Variants in TSPAN18 observed in about 807,000 individuals in gnomAD.
TSPAN18 encodes tetraspanin-18.
TSPAN18 carries 14 observed loss-of-function variants against 27.3 expected under a neutral mutation model. That is an observed-to-expected ratio of 0.51 (90% CI 0.34 to 0.80). TSPAN18 has a LOEUF of 0.80. Ranked by LOEUF, TSPAN18 falls within the 30% of genes least tolerant of loss-of-function variation. The pLI is 0.01. For missense variants in TSPAN18, 268 were observed against 323.9 expected (o/e 0.83, Z 1.32); for synonymous variants, 143 against 136.5 (o/e 1.05, Z -0.33).
At chr11:44,864,301 A>C (rs1207637426) in intron 3 of TSPAN18, among the ~76,000 whole-genome samples, 3 of 151,438 alleles carry the variant, frequency 2.0e-5, no homozygotes. Context: ...AAAAAAAAAA[A>C]AAAAACTTGG....
At chr11:44,880,045 G>A (rs1387461822) in intron 3 of TSPAN18, among the ~76,000 whole-genome samples, 3 of 152,222 alleles carry the variant, frequency 2.0e-5, no homozygotes, top group Non-Finnish European at 4.4e-5. Flanking sequence ...GAGGCTGGAC[G>A]GTGGAGGAAG....
At chr11:44,831,402 G>A (rs1857151082) in intron 2 of TSPAN18, among the ~76,000 whole-genome samples, 1 of 152,184 alleles carries the variant, frequency 6.6e-6, no homozygotes, top group Non-Finnish European at 1.5e-5. Context: ...CAGTGCACTA[G>A]AGCTGACAAG....
intron 2 of TSPAN18, among the ~76,000 whole-genome samples, chr11:44,852,923 T>C (rs1054675704): frequency 6.6e-6 from 1 of 152,192 alleles, no homozygotes; most frequent in Admixed American, 6.5e-5. Context: ...CCATTCCAAC[T>C]TGGAAGGCAC....
chr11:44,906,456 T>A lies in TSPAN18; in HGVS notation c.40T>A (p.Phe14Ile). The change falls in exon 4 of 10, where the codon TTT (phenylalanine) becomes ATT (isoleucine). Residue 14 changes from phenylalanine to isoleucine, a missense_variant. Transcript: ENST00000520358. ...DCLSCMKYLMFVFNFFIFLGG... is the reference protein window; with the variant it reads ...DCLSCMKYLMIVFNFFIFLGG... Reference sequence around the variant, plus strand: ...TCTGAGCTGCATGAAGTATCTGATGTTTGTATTCAATTTCTTCATATTTGT... The same window carrying A: ...TCTGAGCTGCATGAAGTATCTGATGATTGTATTCAATTTCTTCATATTTGT... 1 of 1,614,172 alleles carries A rather than the reference T, an allele frequency of 6.2e-7. No homozygotes were observed. The highest frequency in any genetic ancestry group is 2.2e-5 in the East Asian group (1 of 44,878).
intron 2 of TSPAN18, among the ~76,000 whole-genome samples, chr11:44,825,620 C>A (rs1203266232): frequency 6.6e-6 from 1 of 152,154 alleles, no homozygotes; most frequent in Non-Finnish European, 1.5e-5. Context: ...CAGACTCGAG[C>A]TGGAAACAGG....
chr11:44,837,884 G>A (rs184681110), intron 2 of TSPAN18, among the ~76,000 whole-genome samples: 1 of 152,304 alleles, frequency 6.6e-6, no homozygotes. Context: ...ACAGTATGGT[G>A]TACACATAAC....
At chr11:44,875,386 G>A (rs897081052) in intron 3 of TSPAN18, among the ~76,000 whole-genome samples, 1 of 152,242 alleles carries the variant, frequency 6.6e-6, no homozygotes. Context: ...AATACTCTCT[G>A]GCTGGGAGCA....
At chr11:44,887,127 A>T (rs1425427545) in intron 3 of TSPAN18, among the ~76,000 whole-genome samples, 1 of 152,234 alleles carries the variant, frequency 6.6e-6, no homozygotes, top group Non-Finnish European at 1.5e-5. Context: ...AATTTCGGCT[A>T]ATAAGAGCTA....
At chr11:44,926,298 T>C (rs1454297892) in intron 8 of TSPAN18, 1 of 195,982 alleles carries the variant, frequency 5.1e-6, no homozygotes, top group East Asian at 1.5e-4. Flanking sequence ...AGGCAGCAGC[T>C]GCTGATGTGA....
intron 1 of TSPAN18, among the ~76,000 whole-genome samples, chr11:44,728,477 G>A (rs1315839807): frequency 3.0e-4 from 45 of 152,100 alleles, no homozygotes; most frequent in Admixed American, 2.9e-3. Flanking sequence ...AGGCAGGATG[G>A]GGGTCTTGGG....
intron 5 of TSPAN18, among the ~76,000 whole-genome samples, chr11:44,917,113 C>T (rs1051570960): frequency 2.0e-5 from 3 of 152,202 alleles, no homozygotes; most frequent in African/African-American, 7.2e-5. Flanking sequence ...AGTGACAGCC[C>T]CTGTGCTAAG....
chr11:44,766,724 C>A (rs1855575939), intron 2 of TSPAN18, among the ~76,000 whole-genome samples: 1 of 152,166 alleles, frequency 6.6e-6, no homozygotes, highest in African/African-American at 2.4e-5. Context: ...TATAGCATCA[C>A]AGGGAAAATA....
intron 3 of TSPAN18, among the ~76,000 whole-genome samples, chr11:44,865,835 G>T (rs1181424436): frequency 6.6e-6 from 1 of 152,218 alleles, no homozygotes; most frequent in African/African-American, 2.4e-5. Flanking sequence ...GAGCAGTCGG[G>T]TCCCTTAGGC....
intron 2 of TSPAN18, among the ~76,000 whole-genome samples, chr11:44,840,816 G>A (rs892304918): frequency 1.3e-5 from 2 of 152,200 alleles, no homozygotes; most frequent in Non-Finnish European, 2.9e-5. Flanking sequence ...ATAGCCAGCA[G>A]GTGGCACGGG....
intron 3 of TSPAN18, among the ~76,000 whole-genome samples, chr11:44,869,727 C>T (rs926848999): frequency 3.3e-5 from 5 of 152,200 alleles, no homozygotes; most frequent in South Asian, 2.1e-4. Flanking sequence ...AGCTGTCACA[C>T]GGGCCCAGTG....
intron 2 of TSPAN18, among the ~76,000 whole-genome samples, chr11:44,791,941 CT>C (rs1488113593): frequency 2.6e-5 from 4 of 152,148 alleles, no homozygotes; most frequent in Non-Finnish European, 4.4e-5. Context: ...TTCAAAAATA[CT>C]TATTGAGCAC....
At chr11:44,753,963 C>T (rs1346348478) in intron 1 of TSPAN18, among the ~76,000 whole-genome samples, 2 of 152,174 alleles carry the variant, frequency 1.3e-5, no homozygotes, top group African/African-American at 4.8e-5. Context: ...TGACCGAGCT[C>T]TCTGGTTTTC....
intron 8 of TSPAN18, among the ~76,000 whole-genome samples, chr11:44,924,836 T>C (rs1346373642): frequency 6.6e-6 from 1 of 152,260 alleles, no homozygotes; most frequent in Non-Finnish European, 1.5e-5. Flanking sequence ...GGCACATGGA[T>C]ACATATGTAA....
At chr11:44,812,078 G>A (rs758681624) in intron 2 of TSPAN18, among the ~76,000 whole-genome samples, 4 of 152,272 alleles carry the variant, frequency 2.6e-5, no homozygotes, top group East Asian at 1.9e-4. Context: ...AATCAAACAC[G>A]CTTACCTCCC....
Sources: gnomAD v4.1 joint callset for allele counts (sites outside exome capture counted in the v4.1 genomes callset) on GRCh38, gnomAD v4.1.1 for gene constraint, MANE v1.5 for transcripts, NCBI Gene and HGNC (gene_info 2026-07-23, HGNC 2026-07-21) for gene names.